Variants in AGBL4 observed in about 807,000 individuals in gnomAD.
The protein encoded by AGBL4 is cytosolic carboxypeptidase 6.
A neutral mutation model predicts 66.4 loss-of-function variants in AGBL4; 58 were observed. That is an observed-to-expected ratio of 0.87 (90% CI 0.71 to 1.09). The LOEUF (loss-of-function observed/expected upper bound fraction) is 1.09, where lower values mean the gene tolerates loss of function less well. Among genes scored for constraint, AGBL4 ranks in the 50% least tolerant of loss-of-function variants. AGBL4 has a pLI of 0.00. For synonymous variants in AGBL4, 234 were observed against 222.9 expected, an observed-to-expected ratio of 1.05 and a Z score of -0.44; for missense variants, 579 against 631.0, an observed-to-expected ratio of 0.92 and a Z score of 0.88.
intron 2 of AGBL4, among the ~76,000 whole-genome samples, chr1:49,719,888 T>C (rs1182683427): frequency 1.3e-5 from 2 of 152,078 alleles, no homozygotes; most frequent in Non-Finnish European, 2.9e-5. Flanking sequence ...GCTGCTGCCA[T>C]GTGAAGAAGG....
chr1:49,388,576 T>C (rs1644784293), intron 3 of AGBL4, among the ~76,000 whole-genome samples: 1 of 152,150 alleles, frequency 6.6e-6, no homozygotes, highest in African/African-American at 2.4e-5. Flanking sequence ...CAGCACTCAA[T>C]ACTTCAATCA....
intron 6 of AGBL4, among the ~76,000 whole-genome samples, chr1:48,677,325 A>G (rs770069427): frequency 9.2e-5 from 14 of 152,250 alleles, no homozygotes; most frequent in Non-Finnish European, 1.9e-4. Context: ...AGCTGCATGC[A>G]TGAGGAGAAG....
At chr1:49,604,355 G>A (rs578024000) in intron 3 of AGBL4, among the ~76,000 whole-genome samples, 1 of 152,112 alleles carries the variant, frequency 6.6e-6, no homozygotes, top group Non-Finnish European at 1.5e-5. Flanking sequence ...TCATATGTTT[G>A]TTGGCCATTT....
At chr1:49,845,265 G>A (rs1220088532) in intron 2 of AGBL4, 2 of 1,560,752 alleles carry the variant, frequency 1.3e-6, no homozygotes, top group South Asian at 1.1e-5. Context: ...AGTGTGAGGG[G>A]ACCTTCAACC....
intron 1 of AGBL4, among the ~76,000 whole-genome samples, chr1:49,984,960 A>G (rs1659374075): frequency 6.6e-6 from 1 of 152,212 alleles, no homozygotes; most frequent in Non-Finnish European, 1.5e-5. Context: ...CAAGATAGAG[A>G]AAGAGAAGTC....
chr1:49,994,923 A>C, intron 1 of AGBL4: 1 of 353,472 alleles, frequency 2.8e-6, no homozygotes, highest in African/African-American at 2.1e-5. Context: ...CCTGGAGCTG[A>C]GACAAATATA....
chr1:49,401,663 T>C lies in AGBL4; in HGVS notation c.283-155799A>G, dbSNP rs377680065. Among the ~76,000 whole-genome samples, 53 of 152,320 alleles carry C rather than the reference T, an allele frequency of 3.5e-4. 1 individual carries two copies. In the South Asian group the frequency reaches 9.7e-3, roughly 28 times the overall value. ...AGTTTTCCTTTTTGATGTATCCTTG[T>C]CTGGTTTTAGTATCAGGGTAATACT... On this transcript the variant is annotated intron_variant, in intron 3 of 13. Coordinates refer to ENST00000371839, the MANE Select transcript of AGBL4 (RefSeq NM_032785.4).
intron 1 of AGBL4, among the ~76,000 whole-genome samples, chr1:49,948,576 T>G (rs112166560): frequency 0.5 from 62,326 of 124,628 alleles, 18,203 homozygotes; most frequent in Non-Finnish European, 0.65. Context: ...TATATATATA[T>G]ATATATAGAG....
At chr1:48,769,797 A>G (rs1644721394) in intron 6 of AGBL4, among the ~76,000 whole-genome samples, 1 of 152,116 alleles carries the variant, frequency 6.6e-6, no homozygotes, top group Non-Finnish European at 1.5e-5. Flanking sequence ...TACTATCTCC[A>G]TGCTATAGAT....
chr1:49,648,917 T>C (rs1008037205), intron 3 of AGBL4, among the ~76,000 whole-genome samples: 2 of 152,032 alleles, frequency 1.3e-5, no homozygotes, highest in African/African-American at 4.8e-5. Flanking sequence ...CATCAGAGAA[T>C]AAATAAGTGA....
At chr1:48,688,833 G>T (rs984525851) in intron 6 of AGBL4, among the ~76,000 whole-genome samples, 1 of 151,338 alleles carries the variant, frequency 6.6e-6, no homozygotes, top group Non-Finnish European at 1.5e-5. Context: ...ATTCTAAAAA[G>T]GAGACACAAG....
chr1:49,455,691 T>C lies in AGBL4; in HGVS notation c.283-209827A>G, dbSNP rs538668391. Reference sequence around the variant, plus strand: ...GTTTCACATTATGTTTAGAGGAAAATCCACATTCCTTGCTATGGCCTAAAA... The same window carrying C: ...GTTTCACATTATGTTTAGAGGAAAACCCACATTCCTTGCTATGGCCTAAAA... On this transcript the variant is annotated intron_variant, in intron 3 of 13. Coordinates refer to ENST00000371839, the MANE Select transcript of AGBL4 (RefSeq NM_032785.4). 7.9e-5 allele frequency among the ~76,000 whole-genome samples: 12 copies of C among 151,744 alleles called. No homozygotes were observed. In the South Asian group the frequency reaches 2.1e-3, roughly 26 times the overall value.
At chr1:49,736,491 T>C (rs760633011) in intron 2 of AGBL4, among the ~76,000 whole-genome samples, 2 of 151,938 alleles carry the variant, frequency 1.3e-5, no homozygotes, top group African/African-American at 2.4e-5. Flanking sequence ...ATATAACAAA[T>C]GGATCAATTG....
At chr1:49,024,877 CTA>C (rs1385743383) in intron 5 of AGBL4, among the ~76,000 whole-genome samples, 1 of 152,092 alleles carries the variant, frequency 6.6e-6, no homozygotes, top group Non-Finnish European at 1.5e-5. Flanking sequence ...GCTGGTGACT[CTA>C]GAGAGGTTAT....
intron 6 of AGBL4, among the ~76,000 whole-genome samples, chr1:48,714,464 T>C (rs555872403): frequency 8.5e-5 from 13 of 152,314 alleles, no homozygotes; most frequent in African/African-American, 3.1e-4. Context: ...TTAACCCAAA[T>C]ATAGAATTCT....
chr1:49,149,576 A>G (rs913370620), intron 4 of AGBL4, among the ~76,000 whole-genome samples: 10 of 152,186 alleles, frequency 6.6e-5, no homozygotes, highest in African/African-American at 2.4e-4. Flanking sequence ...ATGCTATACA[A>G]TTCCTAATGG....
intron 5 of AGBL4, among the ~76,000 whole-genome samples, chr1:48,898,048 T>C (rs929868793): frequency 6.6e-6 from 1 of 152,128 alleles, no homozygotes; most frequent in African/African-American, 2.4e-5. Flanking sequence ...CTTGACCTCA[T>C]GATCTGCCTG....
rs1571919651 is a variant in AGBL4, at chr1:49,941,392, T to C, written c.34+82371A>G. On this transcript the variant is annotated intron_variant, in intron 1 of 13. Transcript: ENST00000371839. ...ACCAAATTCATTTTTGTATCATCAT[T>C]ACCCTGACACCAAAGTCAAAGCAAA... Among the ~76,000 whole-genome samples the C allele has an allele frequency of 2.0e-5, 3 of 152,124 alleles. No homozygotes were observed. The South Asian group carries it at 6.2e-4, about 32-fold the overall frequency.
chr1:49,216,835 A>G (rs1649129762), intron 4 of AGBL4, among the ~76,000 whole-genome samples: 1 of 152,120 alleles, frequency 6.6e-6, no homozygotes. Flanking sequence ...TCTTTGTGAG[A>G]TATACTATTG....
Sources: gnomAD v4.1 joint callset for allele counts (sites outside exome capture counted in the v4.1 genomes callset) on GRCh38, gnomAD v4.1.1 for gene constraint, MANE v1.5 for transcripts, NCBI Gene and HGNC (gene_info 2026-07-23, HGNC 2026-07-21) for gene names.